TDP1: variants seen among roughly 807,000 people sequenced by gnomAD.
The protein encoded by TDP1 is tyrosyl-DNA phosphodiesterase 1.
In TDP1, 64 loss-of-function variants were observed where a neutral mutation model predicts 81.5. The observed-to-expected ratio is 0.79, with a 90% CI of 0.64 to 0.97. The LOEUF (loss-of-function observed/expected upper bound fraction) is 0.97, where lower values mean the gene tolerates loss of function less well. Ranked by LOEUF, TDP1 falls within the 50% of genes least tolerant of loss-of-function variation. The pLI, the probability that TDP1 is intolerant of heterozygous loss-of-function variation, is 0.00. For missense variants in TDP1, 723 were observed against 743.8 expected (o/e 0.97, Z 0.33); for synonymous variants, 256 against 264.3 (o/e 0.97, Z 0.30).
chr14:90,026,928 A>G (rs965520751), intron 15 of TDP1, among the ~76,000 whole-genome samples: 2 of 152,158 alleles, frequency 1.3e-5, no homozygotes, highest in African/African-American at 4.8e-5. Flanking sequence ...ATACGTGTGC[A>G]TGTGTCTTTA....
intron 15 of TDP1, among the ~76,000 whole-genome samples, chr14:90,022,443 A>T (rs959683060): frequency 6.6e-6 from 1 of 152,216 alleles, no homozygotes; most frequent in Non-Finnish European, 1.5e-5. Flanking sequence ...TCTGCAGCCC[A>T]GGTGCTGGCC....
At chr14:89,974,044 G>A (rs938121672) in intron 6 of TDP1, among the ~76,000 whole-genome samples, 5 of 152,144 alleles carry the variant, frequency 3.3e-5, no homozygotes, top group African/African-American at 1.2e-4. Flanking sequence ...GTCCCTCTCT[G>A]CAAATAGTCA....
At position 89,963,392 on chromosome 14, in the gene TDP1, A is replaced by G; in HGVS notation, c.278A>G (p.Asp93Gly). Reference sequence around the variant, plus strand: ...CTCGGCTGGTGTCTGTCCAGCAGTGATGATGAGCTGCAACCAGAAATGCCG... The same window carrying G: ...CTCGGCTGGTGTCTGTCCAGCAGTGGTGATGAGCTGCAACCAGAAATGCCG... ...EDLGWCLSSS[D>G]DELQPEMPQK... is the part of the protein sequence containing the mutation. Residue 93 changes from aspartate to glycine, a missense_variant, in exon 3 of 17, where the codon GAT becomes GGT. Asp to Gly is a moderately conservative substitution (Grantham distance 94). Coordinates refer to ENST00000335725, the MANE Select transcript of TDP1 (RefSeq NM_018319.4). 4.3e-6 allele frequency: 7 copies of G among 1,614,224 alleles called. No homozygotes were observed. The highest frequency in any genetic ancestry group is 5.9e-6 in the Non-Finnish European group (7 of 1,180,028).
At chr14:89,986,351 G>A (rs1382589465) in intron 10 of TDP1, among the ~76,000 whole-genome samples, 2 of 152,154 alleles carry the variant, frequency 1.3e-5, no homozygotes, top group Non-Finnish European at 2.9e-5. Flanking sequence ...CTATAAAGTG[G>A]ACATAATAAT....
chr14:89,965,829 AAGTT>A, intron 3 of TDP1: 1 of 984,946 alleles, frequency 1.0e-6, no homozygotes, highest in Non-Finnish European at 1.2e-6. Context: ...GAGGAGGTAG[AAGTT>A]CAGAGATCTG....
chr14:89,965,702 C>T (rs1892864114), intron 3 of TDP1: 1 of 874,768 alleles, frequency 1.1e-6, no homozygotes, highest in South Asian at 5.3e-5. Flanking sequence ...GCCACAGGTG[C>T]TTTCCAGTCT....
At chr14:89,961,639 C>T (rs543438026) in intron 2 of TDP1, among the ~76,000 whole-genome samples, 50 of 152,192 alleles carry the variant, frequency 3.3e-4, no homozygotes, top group African/African-American at 1.2e-3. Flanking sequence ...GTCTGAGCTC[C>T]CATCTCATCA....
In TDP1 at chr14:90,004,019, G is replaced by A. The variant is rs79348861; in HGVS notation, c.1541+10536G>A. Reference sequence around the variant, plus strand: ...GTAGACTTGCTTGCCTGGCCCTGTGGCTCTAAGATATTGGGATTAGCTGGT... The same window carrying A: ...GTAGACTTGCTTGCCTGGCCCTGTGACTCTAAGATATTGGGATTAGCTGGT... On this transcript the variant is annotated intron_variant, in intron 14 of 16. Transcript: ENST00000335725. Among the ~76,000 whole-genome samples the A allele has an allele frequency of 3.0e-3, 461 of 152,250 alleles. 12 individuals are homozygous for A. Among genetic ancestry groups the A allele is most frequent in the Admixed American group, 0.027 (416 of 15,294 alleles).
chr14:90,019,560 C>T (rs1596660128), intron 15 of TDP1, 142 bp downstream of exon 15: 3 of 688,432 alleles, frequency 4.4e-6, no homozygotes, highest in South Asian at 3.1e-5. Context: ...CTCTTAACCG[C>T]TGGTCTGTAC....
chr14:89,985,252 AT>A (rs1346085786), intron 10 of TDP1, 42 bp downstream of exon 10: 4 of 1,137,644 alleles, frequency 3.5e-6, no homozygotes, highest in Admixed American at 3.7e-5. Context: ...AAAAAATTTA[AT>A]GTATATTCTC....
chr14:90,027,806 C>T (rs1331069850), intron 15 of TDP1, among the ~76,000 whole-genome samples: 1 of 152,178 alleles, frequency 6.6e-6, no homozygotes, highest in African/African-American at 2.4e-5. Flanking sequence ...CATAGGATCT[C>T]ATGTGAGATC....
At chr14:89,985,608 A>C (rs1895472112) in intron 10 of TDP1, among the ~76,000 whole-genome samples, 1 of 152,248 alleles carries the variant, frequency 6.6e-6, no homozygotes, top group African/African-American at 2.4e-5. Context: ...TTATTAAACC[A>C]GTGCCCTTAA....
intron 3 of TDP1, 62 bp downstream of exon 3, chr14:89,963,735 A>T: frequency 6.4e-7 from 1 of 1,562,678 alleles, no homozygotes; most frequent in Non-Finnish European, 8.8e-7. Context: ...TCCTCCGTGA[A>T]ACAAGGAGGG....
rs2140068215 is a variant in TDP1, at chr14:89,980,097, C to T, written c.792-443C>T. On this transcript the variant is annotated intron_variant, in intron 7 of 16. Coordinates refer to ENST00000335725, the MANE Select transcript of TDP1 (RefSeq NM_018319.4). ...TTGTGCCAAAACAAAATTTCATGAA[C>T]CAGTAATTAAATATATACAGTATAC... is the stretch of plus-strand genomic sequence containing the variant. 5 of 924,458 alleles carry T rather than the reference C, an allele frequency of 5.4e-6. No individual in the cohort carries two copies. The South Asian group carries it at 2.0e-4, about 37-fold the overall frequency. 57.3% of individuals were successfully genotyped at this position (924,458 alleles called of 1,614,324 possible).
At position 89,975,431 on chromosome 14, in the gene TDP1, A is replaced by G. The variant is rs941795813; in HGVS notation, c.757-350A>G. The G allele has an allele frequency of 4.1e-6, 4 of 985,186 alleles. No individual in the cohort carries two copies. The African/African-American group carries it at 7.0e-5, about 17-fold the overall frequency. 61.0% of individuals were successfully genotyped at this position (985,186 alleles called of 1,614,324 possible). ...ACTGTGTACCATTAATTTCTGTATA[A>G]GCCAAATATCTAAAACTTTGCATAG... On this transcript the variant is annotated intron_variant, in intron 6 of 16. Coordinates refer to ENST00000335725, the MANE Select transcript of TDP1 (RefSeq NM_018319.4).
At chr14:89,987,399 A>G (rs1319950401) in intron 10 of TDP1, among the ~76,000 whole-genome samples, 1 of 152,240 alleles carries the variant, frequency 6.6e-6, no homozygotes, top group African/African-American at 2.4e-5. Flanking sequence ...GATGGTATAA[A>G]AAAAGTTATT....
chr14:90,039,942 C>G (rs1373531812), intron 16 of TDP1, among the ~76,000 whole-genome samples: 1 of 152,184 alleles, frequency 6.6e-6, no homozygotes, highest in Non-Finnish European at 1.5e-5. Flanking sequence ...CACTGGCAGT[C>G]TGGTTCCAAT....
intron 9 of TDP1, 149 bp downstream of exon 9, chr14:89,984,832 C>T (rs577857261): frequency 9.6e-6 from 15 of 1,556,344 alleles, no homozygotes; most frequent in African/African-American, 9.5e-5. Context: ...GATTCTATCA[C>T]ATCTGTATCT....
intron 16 of TDP1, 147 bp downstream of exon 16, chr14:90,033,361 T>A: frequency 1.4e-6 from 1 of 699,980 alleles, no homozygotes; most frequent in Non-Finnish European, 2.6e-6. Context: ...CCAGCCTGTC[T>A]GGGGCCTTGT....
Sources: gnomAD v4.1 joint callset for allele counts (sites outside exome capture counted in the v4.1 genomes callset) on GRCh38, gnomAD v4.1.1 for gene constraint, MANE v1.5 for transcripts, NCBI Gene and HGNC (gene_info 2026-07-23, HGNC 2026-07-21) for gene names.